The following GPHN variants were observed in gnomAD, a reference collection of about 807,000 sequenced individuals.
The protein encoded by GPHN is gephyrin.
In GPHN, 17 loss-of-function variants were observed where a neutral mutation model predicts 95.5. The observed-to-expected ratio is 0.18, with a 90% CI of 0.12 to 0.27. The LOEUF is 0.27. GPHN is among the 10% of genes least tolerant of loss of function. GPHN has a pLI of 1.00. For missense variants in GPHN, 660 were observed against 978.1 expected, an observed-to-expected ratio of 0.67 and a Z score of 4.34; for synonymous variants, 320 against 322.5, an observed-to-expected ratio of 0.99 and a Z score of 0.08.
chr14:67,099,350 G>A (rs1468783632), intron 12 of GPHN, among the ~76,000 whole-genome samples: 3 of 151,702 alleles, frequency 2.0e-5, no homozygotes, highest in Non-Finnish European at 2.9e-5. Flanking sequence ...TTGAACTCCC[G>A]ACCTCAGGTA....
the GPHN span, among the ~76,000 whole-genome samples, chr14:67,660,862 T>C: frequency 1.3e-5 from 2 of 152,166 alleles, no homozygotes; most frequent in Non-Finnish European, 2.9e-5. Context: ...TACCAAGGTA[T>C]TAACTGAAAC....
At chr14:67,284,536 G>A in the GPHN span, among the ~76,000 whole-genome samples, 6 of 109,418 alleles carry the variant, frequency 5.5e-5, no homozygotes, top group Admixed American at 6.9e-4. Flanking sequence ...AGGAGATCGA[G>A]GCTGCAGTGC....
the GPHN span, chr14:67,365,029 T>A: frequency 6.4e-7 from 1 of 1,556,942 alleles, no homozygotes; most frequent in Non-Finnish European, 8.7e-7. Context: ...AAAATATCTG[T>A]AATATAAATT....
chr14:67,236,278 CCTGATTTTCCTATTATTGTGAGTA>C, the GPHN span, among the ~76,000 whole-genome samples: 1 of 152,138 alleles, frequency 6.6e-6, no homozygotes, highest in Non-Finnish European at 1.5e-5. Context: ...TGTATAAGAT[CCTGATTTTCCTATTATTGTGAGTA>C]CTTTCAGAGC....
At chr14:67,263,002 T>C in the GPHN span, among the ~76,000 whole-genome samples, 1 of 152,224 alleles carries the variant, frequency 6.6e-6, no homozygotes, top group East Asian at 1.9e-4. Context: ...TAATCTTTTA[T>C]TGCTAAGGAG....
chr14:67,314,296 C>A, the GPHN span, among the ~76,000 whole-genome samples: 1 of 152,198 alleles, frequency 6.6e-6, no homozygotes, highest in Non-Finnish European at 1.5e-5. Flanking sequence ...TAAGGAATCT[C>A]TTTTATCTCT....
intron 9 of GPHN, chr14:66,985,773 C>T (rs746578332): frequency 1.7e-5 from 21 of 1,233,730 alleles, no homozygotes; most frequent in Non-Finnish European, 2.2e-5. Context: ...GGCAAGATTT[C>T]GTCTATAGCC....
At chr14:67,202,178 C>T in the GPHN span, among the ~76,000 whole-genome samples, 3 of 152,236 alleles carry the variant, frequency 2.0e-5, no homozygotes, top group Admixed American at 6.5e-5. Context: ...CAGCGGCTCA[C>T]GCCTGTAATC....
At chr14:67,626,972 C>T in the GPHN span, among the ~76,000 whole-genome samples, 1 of 151,990 alleles carries the variant, frequency 6.6e-6, no homozygotes, top group Non-Finnish European at 1.5e-5. Context: ...ACACAGAAGG[C>T]CACATGTTAT....
chr14:67,596,437 G>A, the GPHN span, among the ~76,000 whole-genome samples: 18 of 150,690 alleles, frequency 1.2e-4, no homozygotes, highest in East Asian at 3.9e-4. Context: ...CACCGCACCC[G>A]GCAAAGCTAT....
chr14:66,553,054 G>C (rs1031714647), intron 1 of GPHN, among the ~76,000 whole-genome samples: 3 of 150,612 alleles, frequency 2.0e-5, no homozygotes, highest in African/African-American at 7.4e-5. Context: ...GCAGTGGCAC[G>C]ATCTTGGCTC....
chr14:66,875,486 A>G (rs999800850), intron 4 of GPHN, among the ~76,000 whole-genome samples: 1 of 151,212 alleles, frequency 6.6e-6, no homozygotes, highest in African/African-American at 2.4e-5. Flanking sequence ...ATCAAGACCC[A>G]TTGATGTGCT....
intron 1 of GPHN, among the ~76,000 whole-genome samples, chr14:66,668,723 A>T (rs991286451): frequency 6.6e-6 from 1 of 152,076 alleles, no homozygotes; most frequent in African/African-American, 2.4e-5. Flanking sequence ...TGTTACAACA[A>T]ACCCCCATGA....
chr14:66,931,453 G>GTC (rs148521427), intron 8 of GPHN, among the ~76,000 whole-genome samples: 68 of 150,262 alleles, frequency 4.5e-4, no homozygotes, highest in South Asian at 1.9e-3. Flanking sequence ...CCTGATCTCA[G>GTC]TCTCTCTCTC....
At chr14:66,841,663 G>A (rs1054073794) in intron 4 of GPHN, among the ~76,000 whole-genome samples, 1 of 152,204 alleles carries the variant, frequency 6.6e-6, no homozygotes, top group East Asian at 1.9e-4. Flanking sequence ...GGTTTGAGGG[G>A]GAAGATCAGG....
the GPHN span, among the ~76,000 whole-genome samples, chr14:67,554,467 C>T: frequency 1.2e-4 from 19 of 152,190 alleles, no homozygotes; most frequent in Admixed American, 9.2e-4. Flanking sequence ...TGGGATGCAA[C>T]GCCTCTGGGA....
chr14:67,443,494 G>C, the GPHN span, among the ~76,000 whole-genome samples: 1 of 152,032 alleles, frequency 6.6e-6, no homozygotes, highest in Non-Finnish European at 1.5e-5. Flanking sequence ...CAGTGTTCTG[G>C]GAATGACAGG....
At chr14:66,567,219 A>G (rs1329349960) in intron 1 of GPHN, among the ~76,000 whole-genome samples, 1 of 152,178 alleles carries the variant, frequency 6.6e-6, no homozygotes, top group African/African-American at 2.4e-5. Context: ...GAGAAAGTGG[A>G]GACTCCAGAG....
At chr14:66,553,831 T>C (rs1195963926) in intron 1 of GPHN, among the ~76,000 whole-genome samples, 1 of 152,186 alleles carries the variant, frequency 6.6e-6, no homozygotes, top group Non-Finnish European at 1.5e-5. Context: ...TGCCTCGGCT[T>C]CCCAAAGTGC....
Sources: allele counts gnomAD v4.1 joint callset (sites outside exome capture counted in the v4.1 genomes callset), GRCh38; gene constraint gnomAD v4.1.1; transcripts MANE v1.5; gene names NCBI Gene and HGNC (gene_info 2026-07-23, HGNC 2026-07-21).